CFAP43: variants seen among roughly 807,000 people sequenced by gnomAD.
CFAP43 encodes the protein cilia and flagella associated protein 43.
In CFAP43, 155 loss-of-function variants were observed where a neutral mutation model predicts 218.9. The observed-to-expected ratio is 0.71, with a 90% CI of 0.62 to 0.81. The LOEUF (loss-of-function observed/expected upper bound fraction) is 0.81. Among genes scored for constraint, CFAP43 ranks in the 30% least tolerant of loss-of-function variants. The pLI is 0.00. For missense variants in CFAP43, 1,778 were observed against 1,954.3 expected, an observed-to-expected ratio of 0.91 and a Z score of 1.70; for synonymous variants, 645 against 681.3, an observed-to-expected ratio of 0.95 and a Z score of 0.83.
At chr10:104,169,373 A>G (rs895128054) in intron 20 of CFAP43, among the ~76,000 whole-genome samples, 3 of 152,168 alleles carry the variant, frequency 2.0e-5, no homozygotes, top group African/African-American at 7.2e-5. Flanking sequence ...ACTGTACTTA[A>G]TTCTTCTATT....
At chr10:104,142,242 A>G in intron 33 of CFAP43, 39 bp downstream of exon 33, 3 of 1,566,088 alleles carry the variant, frequency 1.9e-6, no homozygotes, top group Non-Finnish European at 2.6e-6. Context: ...CCCTAATTAG[A>G]CTTTGAATAG....
At chr10:104,192,900 T>C (rs1839863617) in intron 11 of CFAP43, 1 of 154,146 alleles carries the variant, frequency 6.5e-6, no homozygotes, top group African/African-American at 2.4e-5. Flanking sequence ...CTCAGTGTGC[T>C]AGCTGTGTAA....
At chr10:104,171,226 C>T (rs2089396701) in intron 20 of CFAP43, among the ~76,000 whole-genome samples, 1 of 152,106 alleles carries the variant, frequency 6.6e-6, no homozygotes, top group Non-Finnish European at 1.5e-5. Context: ...TTATTCTATT[C>T]CCAGCACCTA....
At chr10:104,149,326 C>A (rs1228761084) in intron 28 of CFAP43, among the ~76,000 whole-genome samples, 1 of 152,150 alleles carries the variant, frequency 6.6e-6, no homozygotes, top group Non-Finnish European at 1.5e-5. Context: ...TCCATTAATC[C>A]GTTGAGAGAT....
chr10:104,221,132 C>T (rs2091168317), intron 3 of CFAP43, among the ~76,000 whole-genome samples: 1 of 152,266 alleles, frequency 6.6e-6, no homozygotes, highest in African/African-American at 2.4e-5. Context: ...CCCACCACCA[C>T]TCTGGCTAAT....
intron 34 of CFAP43, among the ~76,000 whole-genome samples, chr10:104,136,431 C>T (rs371484148): frequency 3.3e-5 from 5 of 151,778 alleles, no homozygotes; most frequent in Middle Eastern, 3.4e-3. Context: ...AGTGCAGTGG[C>T]GCCATCTCGC....
intron 1 of CFAP43, 142 bp downstream of exon 1, chr10:104,232,040 G>C (rs2091463389): frequency 1.1e-6 from 1 of 870,134 alleles, no homozygotes; most frequent in Non-Finnish European, 1.7e-6. Context: ...GAGGCTGAGG[G>C]AAGGCACTGG....
intron 17 of CFAP43, among the ~76,000 whole-genome samples, chr10:104,180,445 C>CTTT (rs34452460): frequency 1.6e-5 from 2 of 124,652 alleles, no homozygotes; most frequent in African/African-American, 3.2e-5. Flanking sequence ...CACCCTATTT[C>CTTT]TTTTTTTTTT....
intron 8 of CFAP43, among the ~76,000 whole-genome samples, chr10:104,201,701 T>C (rs530723662): frequency 3.3e-5 from 5 of 152,130 alleles, no homozygotes; most frequent in East Asian, 3.9e-4. Flanking sequence ...TTTGCTGTTG[T>C]ATGCAGTGTT....
chr10:104,177,916 T>C (rs1448580589), intron 19 of CFAP43, among the ~76,000 whole-genome samples: 1 of 152,126 alleles, frequency 6.6e-6, no homozygotes, highest in East Asian at 1.9e-4. Flanking sequence ...AAACCACATC[T>C]CACAAAATGT....
intron 3 of CFAP43, among the ~76,000 whole-genome samples, chr10:104,220,960 G>A (rs2091161738): frequency 6.8e-6 from 1 of 147,750 alleles, no homozygotes; most frequent in Admixed American, 6.6e-5. Flanking sequence ...GTGTGTGTGT[G>A]TGTGTGTGTG....
intron 12 of CFAP43, among the ~76,000 whole-genome samples, chr10:104,190,054 G>A (rs112581059): frequency 0.012 from 1,731 of 146,000 alleles, 24 homozygotes; most frequent in African/African-American, 0.038. Flanking sequence ...TGTAGGCCCA[G>A]CTACTCAGGA....
chr10:104,190,135 C>CAAAAAA (rs59257656), intron 12 of CFAP43, among the ~76,000 whole-genome samples: 6 of 50,744 alleles, frequency 1.2e-4, no homozygotes, highest in East Asian at 5.6e-4. Flanking sequence ...GACTCCATCT[C>CAAAAAA]AAAAAAAAAA....
intron 27 of CFAP43, 72 bp from the exon 28 acceptor site, chr10:104,152,798 C>T (rs1253911874): frequency 6.5e-7 from 1 of 1,527,790 alleles, no homozygotes; most frequent in Non-Finnish European, 8.8e-7. Flanking sequence ...GTTTACATTT[C>T]ACCACAAGGG....
At position 104,213,598 on chromosome 10, in the gene CFAP43, C is replaced by T. The variant is rs967942349; in HGVS notation, c.584+661G>A. ...GTCCCTAGGCTGGAGTGTAGTGGCACGATCTCGGCTCACTGCAACCTCCAC... is the reference window on the plus strand; with the variant it reads ...GTCCCTAGGCTGGAGTGTAGTGGCATGATCTCGGCTCACTGCAACCTCCAC... On this transcript the variant is annotated intron_variant, in intron 4 of 37. Transcript: ENST00000357060. 4.6e-5 allele frequency among the ~76,000 whole-genome samples: 7 copies of T among 152,044 alleles called. 1 individual carries two copies. Among genetic ancestry groups the T allele is most frequent in the East Asian group, 1.9e-4 (1 of 5,194 alleles).
At chr10:104,225,413 G>A (rs762562892) in intron 3 of CFAP43, 48 bp downstream of exon 3, 1 of 1,408,152 alleles carries the variant, frequency 7.1e-7, no homozygotes, top group Non-Finnish European at 9.8e-7. Flanking sequence ...AAGAGTAAGA[G>A]GAAAATGTAA....
intron 10 of CFAP43, among the ~76,000 whole-genome samples, chr10:104,194,255 A>G (rs1372003595): frequency 6.6e-6 from 1 of 152,086 alleles, no homozygotes; most frequent in African/African-American, 2.4e-5. Flanking sequence ...TTAGAGAGAG[A>G]TTTCTTGAAA....
rs907330134 is a variant in CFAP43, at chr10:104,225,566, T to A, written c.320-9A>T. On this transcript the variant is annotated splice_polypyrimidine_tract_variant and intron_variant, in intron 2 of 37. Coordinates refer to ENST00000357060, the MANE Select transcript of CFAP43 (RefSeq NM_025145.7). ...GTCCAGGAGAATGTTGCCTAAAATA[T>A]AAAATCCATTATCAGGATTTGATTA... 1.2e-6 allele frequency: 2 copies of A among 1,601,386 alleles called. No homozygotes were observed. Among genetic ancestry groups the A allele is most frequent in the African/African-American group, 2.7e-5 (2 of 74,352 alleles).
At chr10:104,192,101 A>G in intron 12 of CFAP43, 98 bp downstream of exon 12, 5 of 897,234 alleles carry the variant, frequency 5.6e-6, no homozygotes, top group Non-Finnish European at 5.0e-6. Flanking sequence ...TATGCCACAA[A>G]TAATTGTTTC....
Sources: gnomAD v4.1 joint callset for allele counts (sites outside exome capture counted in the v4.1 genomes callset) on GRCh38, gnomAD v4.1.1 for gene constraint, MANE v1.5 for transcripts, NCBI Gene and HGNC (gene_info 2026-07-23, HGNC 2026-07-21) for gene names.